PXYLP1: variants seen among roughly 807,000 people sequenced by gnomAD.
PXYLP1 encodes acid phosphatase-like 2.
A neutral mutation model predicts 37.9 loss-of-function variants in PXYLP1; 17 were observed. The observed-to-expected ratio is 0.45, with a 90% CI of 0.31 to 0.67. PXYLP1 has a LOEUF of 0.67. Among genes scored for constraint, PXYLP1 ranks in the 30% least tolerant of loss-of-function variants. The probability of loss-of-function intolerance (pLI) is 0.07; values close to 1 mark genes in which losing one functional copy is unlikely to be tolerated. For synonymous variants in PXYLP1, 221 were observed against 232.2 expected, an observed-to-expected ratio of 0.95 and a Z score of 0.44; for missense variants, 511 against 612.0, an observed-to-expected ratio of 0.84 and a Z score of 1.74.
rs1401394691 is a variant in PXYLP1, at chr3:141,262,446, G to A, written c.79+2192G>A. ...AGTCAACCCTGATTTTATTTTGAGA[G>A]GCTGACAGGTTCTGAGACATGAATG... On this transcript the variant is annotated intron_variant, in intron 2 of 5. Transcript: ENST00000286353. 5.5e-6 allele frequency: 4 copies of A among 726,442 alleles called. No homozygotes were observed. In the African/African-American group the frequency reaches 7.3e-5, roughly 13 times the overall value. 45.0% of individuals were successfully genotyped at this position (726,442 alleles called of 1,614,324 possible). A position where few individuals can be genotyped will look rare whatever the true frequency, so the allele number is the denominator to read the frequency against.
At chr3:141,263,202 T>C (rs1941432714) in intron 2 of PXYLP1, among the ~76,000 whole-genome samples, 1 of 152,238 alleles carries the variant, frequency 6.6e-6, no homozygotes, top group African/African-American at 2.4e-5. Flanking sequence ...CATATATTTA[T>C]TAAGTGCTTA....
intron 1 of PXYLP1, among the ~76,000 whole-genome samples, chr3:141,245,313 C>T (rs1455473585): frequency 2.6e-5 from 4 of 152,124 alleles, no homozygotes; most frequent in African/African-American, 4.8e-5. Flanking sequence ...GTAATCCACA[C>T]GCCTTGGCCT....
intron 2 of PXYLP1, 21 bp from the exon 3 acceptor site, chr3:141,278,321 A>G (rs759598212): frequency 1.2e-6 from 2 of 1,613,882 alleles, no homozygotes; most frequent in Non-Finnish European, 1.7e-6. Flanking sequence ...GTGCGTCACA[A>G]CCTGCCTTAC....
rs879015963 is a variant in PXYLP1 at position 141,273,539 on chromosome 3, G to A, written c.80-4803G>A. On this transcript the variant is annotated intron_variant, in intron 2 of 5. Transcript: ENST00000286353. Reference sequence around the variant, plus strand: ...AGGGTGGTGGGGAGGGAGCCTGCGTGGGATAGCATCTGGTTGTTTTACTCA... The same window carrying A: ...AGGGTGGTGGGGAGGGAGCCTGCGTAGGATAGCATCTGGTTGTTTTACTCA... 4 of 985,398 alleles carry A rather than the reference G, an allele frequency of 4.1e-6. No homozygotes were observed. In the South Asian group the frequency reaches 1.9e-4, roughly 46 times the overall value. The allele number at this position is 985,398 out of a possible 1,614,324, so 61.0% of individuals were successfully genotyped here.
intron 1 of PXYLP1, among the ~76,000 whole-genome samples, chr3:141,248,594 C>CAT (rs1941030240): frequency 1.3e-5 from 1 of 76,968 alleles, no homozygotes. Flanking sequence ...TATACACACA[C>CAT]GTGTATATAT....
chr3:141,279,489 C>G lies in PXYLP1; in HGVS notation c.350C>G (p.Thr117Ser), dbSNP rs776220175. The G allele has an allele frequency of 1.9e-6, 3 of 1,614,234 alleles. No homozygotes were observed. The East Asian group carries it at 6.7e-5, about 36-fold the overall frequency. The change falls in exon 4 of 6, where the codon ACT (threonine) becomes AGT (serine). Residue 117 changes from threonine (T) to serine (S), a missense_variant. By Grantham distance (58) the Thr-to-Ser change is moderately conservative (BLOSUM62 1). Transcript: ENST00000286353. ...PKTKRPEIDC[T>S]LVANRKPYHP... ...ACAAAGCGACCAGAAATTGACTGCA[C>G]TCTGGTGGCTAACAGGTAAATTGCA...
At position 141,279,471 on chromosome 3, in the gene PXYLP1, G is replaced by A. The variant is rs146572483; in HGVS notation, c.332G>A (p.Arg111Gln). 1.3e-4 allele frequency: 202 copies of A among 1,614,192 alleles called. No homozygotes were observed. The African/African-American group carries it at 1.7e-3, about 13-fold the overall frequency. ...YPLYVIPKTKRPEIDCTLVAN... is the reference protein window; with the variant it reads ...YPLYVIPKTKQPEIDCTLVAN... ...CTGTATGTCATTCCCAAAACAAAGC[G>A]ACCAGAAATTGACTGCACTCTGGTG... The change falls in exon 4 of 6, where the codon CGA becomes CAA. Residue 111 changes from arginine (R) to glutamine (Q), a missense_variant. By Grantham distance (43) the Arg-to-Gln change is conservative (BLOSUM62 1). Coordinates refer to ENST00000286353, the MANE Select transcript of PXYLP1 (RefSeq NM_001037172.3).
rs755218868 is a variant in PXYLP1 at position 141,238,833 on chromosome 3, GGAAGA to G, written c.-54+6926_-54+6930del. Among the ~76,000 whole-genome samples the G allele has an allele frequency of 2.8e-4, 43 of 152,068 alleles. 1 individual carries two copies. Among genetic ancestry groups the G allele is most frequent in the Admixed American group, 1.3e-4 (2 of 15,276 alleles). On this transcript the variant is annotated intron_variant, in intron 1 of 5. Coordinates refer to ENST00000286353, the MANE Select transcript of PXYLP1 (RefSeq NM_001037172.3). ...GAAAATGTTATTAAGAAAATCATAA[GGAAGA>G]GAAAACATTTCCTATTCGTTAAGTG...
intron 2 of PXYLP1, among the ~76,000 whole-genome samples, chr3:141,268,382 G>A (rs943683092): frequency 6.6e-6 from 1 of 152,216 alleles, no homozygotes; most frequent in African/African-American, 2.4e-5. Context: ...AAAGCCACAG[G>A]ATTTATGTGG....
At chr3:141,248,650 T>TAC (rs1198426412) in intron 1 of PXYLP1, among the ~76,000 whole-genome samples, 2 of 77,858 alleles carry the variant, frequency 2.6e-5, no homozygotes, top group Non-Finnish European at 4.5e-5. Flanking sequence ...CGTGTATATA[T>TAC]ACACACGTAT....
At chr3:141,289,316 A>G (rs560829940) in intron 5 of PXYLP1, among the ~76,000 whole-genome samples, 63 of 152,218 alleles carry the variant, frequency 4.1e-4, no homozygotes, top group African/African-American at 1.5e-3. Context: ...GTATTCAAAT[A>G]TGTTTTGCAC....
chr3:141,273,603 G>A (rs1372834673), intron 2 of PXYLP1: 1 of 985,284 alleles, frequency 1.0e-6, no homozygotes, highest in Non-Finnish European at 1.2e-6. Flanking sequence ...TGAGAGGGAG[G>A]GTCCCAAGGA....
At position 141,279,440 on chromosome 3, in the gene PXYLP1, T is replaced by TACCCTA. The variant is rs1212054178; in HGVS notation, c.305_306insTAACCC (p.Pro102_Leu103insAsnPro). On this transcript the variant is annotated inframe_insertion, in exon 4 of 6. Coordinates refer to ENST00000286353, the MANE Select transcript of PXYLP1 (RefSeq NM_001037172.3). ...TGTGTTCATTCGCCACGGAGACAGG[T>TACCCTA]ACCCACTGTATGTCATTCCCAAAAC... The TACCCTA allele has an allele frequency of 6.2e-7, 1 of 1,614,212 alleles. No homozygotes were observed.
chr3:141,249,962 G>A (rs1169653753), intron 1 of PXYLP1, among the ~76,000 whole-genome samples: 1 of 151,384 alleles, frequency 6.6e-6, no homozygotes, highest in Non-Finnish European at 1.5e-5. Context: ...TTGTAGAGTT[G>A]GAAAAAAAAT....
chr3:141,274,410 C>CTGTG lies in PXYLP1; in HGVS notation c.80-3930_80-3927dup, dbSNP rs1325124522. On this transcript the variant is annotated intron_variant, in intron 2 of 5. Coordinates refer to ENST00000286353, the MANE Select transcript of PXYLP1 (RefSeq NM_001037172.3). ...GCTGACCCCCATCTGCCATGTTTGG[C>CTGTG]TGTGTTTCACGGCCTCCCCTCTGCT... 3.4e-5 allele frequency: 50 copies of CTGTG among 1,456,274 alleles called. No homozygotes were observed. In the East Asian group the frequency reaches 1.1e-3, roughly 33 times the overall value. 90.2% of individuals were successfully genotyped at this position (1,456,274 alleles called of 1,614,324 possible).
chr3:141,290,570 G>A (rs1485551817), intron 5 of PXYLP1, among the ~76,000 whole-genome samples: 5 of 152,166 alleles, frequency 3.3e-5, no homozygotes, highest in African/African-American at 1.2e-4. Flanking sequence ...GGCCCTGGGA[G>A]GATTTCCCTA....
At chr3:141,268,302 A>G (rs1941581664) in intron 2 of PXYLP1, among the ~76,000 whole-genome samples, 1 of 152,014 alleles carries the variant, frequency 6.6e-6, no homozygotes, top group Admixed American at 6.6e-5. Context: ...AAGCATTAGT[A>G]GAAGTATTCA....
chr3:141,252,435 G>A (rs978211111), intron 1 of PXYLP1, among the ~76,000 whole-genome samples: 1 of 152,158 alleles, frequency 6.6e-6, no homozygotes, highest in Admixed American at 6.5e-5. Context: ...TACAATCATG[G>A]TGGAAGGCAA....
At chr3:141,238,301 G>C (rs114363613) in intron 1 of PXYLP1, among the ~76,000 whole-genome samples, 2 of 152,192 alleles carry the variant, frequency 1.3e-5, no homozygotes, top group Non-Finnish European at 2.9e-5. Flanking sequence ...ACCTCGCTTT[G>C]CTTGCTCTGT....
Sources: allele counts gnomAD v4.1 joint callset (sites outside exome capture counted in the v4.1 genomes callset), GRCh38; gene constraint gnomAD v4.1.1; transcripts MANE v1.5; gene names NCBI Gene and HGNC (gene_info 2026-07-23, HGNC 2026-07-21).